The following ANO3 variants were observed in gnomAD, a reference collection of about 807,000 sequenced individuals.
ANO3 encodes anoctamin 3, also known as anoctamin-3.
A neutral mutation model predicts 144.8 loss-of-function variants in ANO3; 99 were observed. The ratio of observed to expected loss-of-function variants is 0.68; its 90% CI spans 0.58 to 0.81. The LOEUF (loss-of-function observed/expected upper bound fraction) is 0.81, where lower values mean the gene tolerates loss of function less well. Among genes scored for constraint, ANO3 ranks in the 30% least tolerant of loss-of-function variants. The pLI is 0.00. For missense variants in ANO3, 905 were observed against 1,202.2 expected (o/e 0.75, Z 3.66); for synonymous variants, 414 against 392.6 (o/e 1.05, Z -0.64).
intron 1 of ANO3, among the ~76,000 whole-genome samples, chr11:26,244,974 GGTGTGTGTGT>G (rs61543573): frequency 1.1e-3 from 133 of 121,680 alleles, no homozygotes; most frequent in African/African-American, 3.4e-3. Flanking sequence ...CTGGTCTCCT[GGTGTGTGTGT>G]GTGTGTGTGT....
intron 1 of ANO3, among the ~76,000 whole-genome samples, chr11:26,229,620 A>T (rs1852345613): frequency 6.6e-6 from 1 of 152,140 alleles, no homozygotes. Flanking sequence ...TTATTTTTAT[A>T]TGCTAATCAA....
chr11:26,367,088 C>T (rs553163179), intron 1 of ANO3, among the ~76,000 whole-genome samples: 52 of 152,120 alleles, frequency 3.4e-4, no homozygotes, highest in Non-Finnish European at 6.5e-4. Context: ...CTTCCTTACA[C>T]CTTATACAAA....
intron 1 of ANO3, among the ~76,000 whole-genome samples, chr11:26,371,835 C>T (rs901533483): frequency 9.9e-5 from 15 of 152,178 alleles, no homozygotes; most frequent in African/African-American, 3.6e-4. Context: ...TGCCTCTACC[C>T]CTGTTGTATC....
At position 26,282,310 on chromosome 11, in the gene ANO3, GT is replaced by G. The variant is rs780885084; in HGVS notation, c.155-27324del. Among the ~76,000 whole-genome samples, 536 of 141,652 alleles carry G rather than the reference GT, an allele frequency of 3.8e-3. 2 individuals are homozygous for G. Among genetic ancestry groups the G allele is most frequent in the South Asian group, 0.011 (49 of 4,432 alleles). 92.9% of individuals were successfully genotyped at this position (141,652 alleles called of 152,430 possible). ...AAACAAACAGGTTTTCATTTTTTTT[GT>G]TTTTTTTTTTGTAATAGATTATCTG... On this transcript the variant is annotated intron_variant, in intron 1 of 27. Transcript: ENST00000672621.
At chr11:26,326,804 C>G (rs1328430073) in intron 1 of ANO3, among the ~76,000 whole-genome samples, 1 of 152,154 alleles carries the variant, frequency 6.6e-6, no homozygotes, top group Non-Finnish European at 1.5e-5. Flanking sequence ...GTAACTAGTA[C>G]AATCACACCC....
intron 1 of ANO3, among the ~76,000 whole-genome samples, chr11:26,378,535 A>C (rs1856481838): frequency 6.6e-6 from 1 of 151,836 alleles, no homozygotes. Flanking sequence ...AAAATTAAAA[A>C]GTAAAAGGAG....
chr11:26,450,334 C>G (rs1845355), intron 3 of ANO3, among the ~76,000 whole-genome samples: 1 of 151,946 alleles, frequency 6.6e-6, no homozygotes, highest in Non-Finnish European at 1.5e-5. Context: ...ATTTGCTTCC[C>G]TGTGTTGTTC....
intron 14 of ANO3, among the ~76,000 whole-genome samples, 182 bp from the exon 15 acceptor site, chr11:26,598,183 T>C (rs543282559): frequency 4.6e-5 from 7 of 152,120 alleles, no homozygotes; most frequent in African/African-American, 7.2e-5. Context: ...TAGCAGTGTA[T>C]GCTAATAGAT....
At chr11:26,392,221 T>C (rs1262622035) in intron 1 of ANO3, among the ~76,000 whole-genome samples, 1 of 150,030 alleles carries the variant, frequency 6.7e-6, no homozygotes, top group African/African-American at 2.5e-5. Context: ...GTCTGTGTCG[T>C]ACATGGTGAA....
At chr11:26,288,816 C>T (rs1180979279) in intron 1 of ANO3, among the ~76,000 whole-genome samples, 1 of 151,780 alleles carries the variant, frequency 6.6e-6, no homozygotes, top group African/African-American at 2.4e-5. Flanking sequence ...TAAATGGTGC[C>T]ATGGATCTAA....
intron 18 of ANO3, among the ~76,000 whole-genome samples, chr11:26,631,711 A>T (rs893875847): frequency 6.6e-6 from 1 of 152,184 alleles, no homozygotes; most frequent in Non-Finnish European, 1.5e-5. Context: ...AAATGTCATC[A>T]GGTTAATATT....
At chr11:26,205,942 T>C (rs1255287506) in intron 1 of ANO3, among the ~76,000 whole-genome samples, 2 of 152,192 alleles carry the variant, frequency 1.3e-5, no homozygotes, top group East Asian at 3.8e-4. Context: ...GCAAGAAACA[T>C]CGGCAGCCAA....
intron 1 of ANO3, among the ~76,000 whole-genome samples, chr11:26,431,139 A>G (rs1201830966): frequency 6.6e-6 from 1 of 152,270 alleles, no homozygotes; most frequent in Non-Finnish European, 1.5e-5. Context: ...TCATTTAATC[A>G]TAATTTAAAG....
chr11:26,405,268 A>C (rs895571672), intron 1 of ANO3, among the ~76,000 whole-genome samples: 1 of 151,676 alleles, frequency 6.6e-6, no homozygotes, highest in African/African-American at 2.4e-5. Context: ...CATTTCTAGA[A>C]TTCTCCTCAG....
At chr11:26,641,219 CA>C (rs1565160129) in intron 21 of ANO3, among the ~76,000 whole-genome samples, 5 of 152,118 alleles carry the variant, frequency 3.3e-5, no homozygotes, top group Admixed American at 1.3e-4. Flanking sequence ...CTCACGGACA[CA>C]GACTTATTGC....
chr11:26,301,927 A>C (rs972536762), intron 1 of ANO3, among the ~76,000 whole-genome samples: 1 of 152,196 alleles, frequency 6.6e-6, no homozygotes, highest in Non-Finnish European at 1.5e-5. Flanking sequence ...ATAGGCCTGC[A>C]TGTTTTAGAA....
chr11:26,383,812 T>G (rs1856648023), intron 1 of ANO3, among the ~76,000 whole-genome samples: 1 of 146,988 alleles, frequency 6.8e-6, no homozygotes, highest in Admixed American at 6.8e-5. Context: ...TAATAAAAAA[T>G]ACAAAAAATA....
intron 17 of ANO3, among the ~76,000 whole-genome samples, chr11:26,609,463 A>C (rs1308252633): frequency 2.0e-5 from 3 of 151,530 alleles, no homozygotes; most frequent in Non-Finnish European, 4.4e-5. Context: ...TGCAGGATTC[A>C]CATATCCTGC....
chr11:26,525,238 G>A (rs918465251), intron 6 of ANO3, among the ~76,000 whole-genome samples: 3 of 151,944 alleles, frequency 2.0e-5, no homozygotes, highest in African/African-American at 4.8e-5. Context: ...TATTACATAC[G>A]TATTAAATGG....
Sources: gnomAD v4.1 joint callset for allele counts (sites outside exome capture counted in the v4.1 genomes callset) on GRCh38, gnomAD v4.1.1 for gene constraint, MANE v1.5 for transcripts, NCBI Gene and HGNC (gene_info 2026-07-23, HGNC 2026-07-21) for gene names.